Variants in DENND2B observed in about 807,000 individuals in gnomAD.
DENND2B encodes DENN domain containing 2B.
DENND2B carries 32 observed loss-of-function variants against 116.0 expected under a neutral mutation model. That is an observed-to-expected ratio of 0.28 (90% CI 0.21 to 0.37). The LOEUF is 0.37. Ranked by LOEUF, DENND2B falls within the 10% of genes least tolerant of loss-of-function variation. The probability of loss-of-function intolerance (pLI) is 1.00; values close to 1 mark genes in which losing one functional copy is unlikely to be tolerated. For missense variants in DENND2B, 1,276 were observed against 1,477.7 expected (o/e 0.86, Z 2.24); for synonymous variants, 588 against 583.9 (o/e 1.01, Z -0.10).
At chr11:8,696,815 C>G in intron 17 of DENND2B, 149 bp from the exon 18 acceptor site, 3 of 1,295,916 alleles carry the variant, frequency 2.3e-6, no homozygotes, top group Non-Finnish European at 3.2e-6. Context: ...CCGAGTTTCA[C>G]TCTTGTTGCC....
intron 2 of DENND2B, among the ~76,000 whole-genome samples, chr11:8,867,236 C>T (rs1190663644): frequency 3.3e-5 from 5 of 152,160 alleles, no homozygotes; most frequent in Admixed American, 3.3e-4. Flanking sequence ...TGTCTCCACC[C>T]ACTGCTGCCC....
rs1006163460 is a variant in DENND2B at position 8,702,377 on chromosome 11, A to G, written c.2720+195T>C. Among the ~76,000 whole-genome samples, 1 of 151,998 alleles carries G rather than the reference A, an allele frequency of 6.6e-6. No individual in the cohort carries two copies. The highest frequency in any genetic ancestry group is 1.5e-5 in the Non-Finnish European group (1 of 67,968). On this transcript the variant is annotated intron_variant, in intron 14 of 19. Coordinates refer to ENST00000313726, the MANE Select transcript of DENND2B (RefSeq NM_213618.2). This position sits in a 1 kb window ranked among gnomAD's most constrained non-coding sequence, Gnocchi z 4.6. ...CCTCCACAGGGTTCTCAATCCTGCCATCTGTGTGCTCCCAAACCCTGCTCC... is the reference window on the plus strand; with the variant it reads ...CCTCCACAGGGTTCTCAATCCTGCCGTCTGTGTGCTCCCAAACCCTGCTCC...
rs778658010 is a variant in DENND2B, at chr11:8,730,655, G to T, written c.635C>A (p.Ser212Tyr). Residue 212 changes from serine (S) to tyrosine (Y), a missense_variant, in exon 3 of 20, where the codon TCC becomes TAC. Transcript: ENST00000313726. The surrounding 1 kb of genome is among the most constrained non-coding windows in gnomAD (Gnocchi z 4.1). ...AAAGGTCTTTTCAGAGCTGCAGGGG[G>T]ACGGCACCACGCTGGGACAGCCCAG... Reference protein sequence around the residue: ...PSLGCPSVVPSPCSSEKTFDF... With the variant: ...PSLGCPSVVPYPCSSEKTFDF... 1 of 1,612,640 alleles carries T rather than the reference G, an allele frequency of 6.2e-7. No individual in the cohort carries two copies. Among genetic ancestry groups the T allele is most frequent in the East Asian group, 2.2e-5 (1 of 44,868 alleles).
chr11:8,891,414 C>A (rs2064031243), intron 1 of DENND2B, among the ~76,000 whole-genome samples: 1 of 152,172 alleles, frequency 6.6e-6, no homozygotes, highest in Non-Finnish European at 1.5e-5. Flanking sequence ...TGTAAATGGG[C>A]TAAATGTGCC....
At chr11:8,740,208 AAAAG>A (rs2049951719) in intron 2 of DENND2B, among the ~76,000 whole-genome samples, 1 of 151,946 alleles carries the variant, frequency 6.6e-6, no homozygotes, top group Non-Finnish European at 1.5e-5. Context: ...AAAAAAAAAA[AAAAG>A]AAACAAGAAA....
chr11:8,904,897 TAAAGA>T (rs1400508926), intron 1 of DENND2B, among the ~76,000 whole-genome samples: 1 of 151,858 alleles, frequency 6.6e-6, no homozygotes, highest in African/African-American at 2.4e-5. Flanking sequence ...GTAAAAAAAA[TAAAGA>T]AAACTGAAAT....
intron 1 of DENND2B, among the ~76,000 whole-genome samples, chr11:8,884,801 T>C (rs2063942980): frequency 6.6e-6 from 1 of 152,214 alleles, no homozygotes; most frequent in African/African-American, 2.4e-5. Flanking sequence ...GCAAGCTATG[T>C]TGACTTCTGA....
chr11:8,834,991 A>T lies in DENND2B; in HGVS notation c.-115+4319T>A, dbSNP rs1454032358. Among the ~76,000 whole-genome samples the T allele has an allele frequency of 2.0e-5, 3 of 152,244 alleles. No individual in the cohort carries two copies. The East Asian group carries it at 5.8e-4, about 29-fold the overall frequency. On this transcript the variant is annotated intron_variant, in intron 4 of 6. Transcript: ENST00000524757. ...CCAGGCACGGTGGCTCACACCTGTA[A>T]TCTCATCACTTTGGGAGGCCAAGGT... is the stretch of plus-strand genomic sequence containing the variant.
intron 4 of DENND2B, among the ~76,000 whole-genome samples, chr11:8,820,003 C>T (rs533308220): frequency 1.3e-4 from 20 of 152,106 alleles, no homozygotes; most frequent in African/African-American, 4.8e-4. Context: ...TTTTTAAAAG[C>T]CAAATTTAAA....
At chr11:8,850,119 A>G (rs1038079632) in intron 3 of DENND2B, among the ~76,000 whole-genome samples, 1 of 152,186 alleles carries the variant, frequency 6.6e-6, no homozygotes, top group African/African-American at 2.4e-5. Context: ...TGGAGGACAG[A>G]GGGATACCCA....
intron 1 of DENND2B, among the ~76,000 whole-genome samples, chr11:8,904,127 C>G (rs2064206266): frequency 6.6e-6 from 1 of 151,934 alleles, no homozygotes; most frequent in South Asian, 2.1e-4. Context: ...AGACCAGAAA[C>G]AAGAAAACTA....
intron 3 of DENND2B, among the ~76,000 whole-genome samples, chr11:8,843,534 C>A (rs1167412697): frequency 6.6e-6 from 1 of 152,164 alleles, no homozygotes; most frequent in Non-Finnish European, 1.5e-5. Flanking sequence ...AAAACAGTCA[C>A]TGGGAAGGAA....
At chr11:8,894,329 T>C (rs978196672) in intron 1 of DENND2B, among the ~76,000 whole-genome samples, 9 of 152,288 alleles carry the variant, frequency 5.9e-5, no homozygotes, top group African/African-American at 7.2e-5. Context: ...ATTCAGGACA[T>C]AGGCATAGGC....
intron 1 of DENND2B, among the ~76,000 whole-genome samples, chr11:8,896,430 C>G (rs2064102545): frequency 6.6e-6 from 1 of 152,144 alleles, no homozygotes; most frequent in East Asian, 1.9e-4. Context: ...ACTGCTGGAT[C>G]TGTCGGGAAA....
intron 1 of DENND2B, among the ~76,000 whole-genome samples, chr11:8,789,606 C>G (rs2059199424): frequency 6.6e-6 from 1 of 152,086 alleles, no homozygotes; most frequent in Non-Finnish European, 1.5e-5. Flanking sequence ...GTCTCTAGAT[C>G]TAAGTTACAG....
chr11:8,701,352 G>C lies in DENND2B; in HGVS notation c.2720+1220C>G, dbSNP rs998381974. On this transcript the variant is annotated intron_variant, in intron 14 of 19. Coordinates refer to ENST00000313726, the MANE Select transcript of DENND2B (RefSeq NM_213618.2). ...ATGGGAAGGCCAGCTTCCGGGGGGGGGGGGGGGAGGGGCTACATGAATGAC... is the reference window on the plus strand; with the variant it reads ...ATGGGAAGGCCAGCTTCCGGGGGGGCGGGGGGGAGGGGCTACATGAATGAC... Among the ~76,000 whole-genome samples the C allele has an allele frequency of 3.2e-5, 3 of 93,624 alleles. 1 individual carries two copies. Among genetic ancestry groups the C allele is most frequent in the African/African-American group, 9.4e-5 (2 of 21,344 alleles). The allele number at this position is 93,624 out of a possible 152,430, so 61.4% of individuals were successfully genotyped here.
rs571141061 is a variant in DENND2B, at chr11:8,702,860, A to C, written c.2572-140T>G. 4.8e-6 allele frequency: 5 copies of C among 1,032,486 alleles called. No individual in the cohort carries two copies. In the African/African-American group the frequency reaches 8.0e-5, roughly 17 times the overall value. The allele number at this position is 1,032,486 out of a possible 1,614,324, so 64.0% of individuals were successfully genotyped here. On this transcript the variant is annotated intron_variant, in intron 13 of 19. Coordinates refer to ENST00000313726, the MANE Select transcript of DENND2B (RefSeq NM_213618.2). This position sits in a 1 kb window ranked among gnomAD's most constrained non-coding sequence, Gnocchi z 4.6. Reference sequence around the variant, plus strand: ...TCTCGTCTACCCTGCTATGCAGTAAACCCCTCTTCTCCATCCCTCGGACTA... The same window carrying C: ...TCTCGTCTACCCTGCTATGCAGTAACCCCCTCTTCTCCATCCCTCGGACTA...
chr11:8,760,896 C>T (rs996104272), intron 1 of DENND2B, among the ~76,000 whole-genome samples: 2 of 152,110 alleles, frequency 1.3e-5, no homozygotes, highest in African/African-American at 4.8e-5. Flanking sequence ...AGGCTGAAAT[C>T]TCCCTCAATC....
At chr11:8,770,339 C>T (rs527679608) in intron 1 of DENND2B, among the ~76,000 whole-genome samples, 2 of 152,294 alleles carry the variant, frequency 1.3e-5, no homozygotes, top group South Asian at 2.1e-4. Context: ...ATCTTGCCCT[C>T]GGTTCACTCA....
Sources: gnomAD v4.1 joint callset for allele counts (sites outside exome capture counted in the v4.1 genomes callset) on GRCh38, gnomAD v4.1.1 for gene constraint, Gnocchi (gnomAD v3.1) non-coding constraint, MANE v1.5 for transcripts, NCBI Gene and HGNC (gene_info 2026-07-23, HGNC 2026-07-21) for gene names.